NOL4: variants seen among roughly 807,000 people sequenced by gnomAD.
NOL4 encodes the protein nucleolar protein 4, also known as cancer/testis antigen 125.
NOL4 carries 17 observed loss-of-function variants against 75.9 expected under a neutral mutation model. That is an observed-to-expected ratio of 0.22 (90% CI 0.15 to 0.34). NOL4 has a LOEUF of 0.34. NOL4 is among the 10% of genes least tolerant of loss of function. The pLI is 1.00. For synonymous variants in NOL4, 292 were observed against 289.9 expected, an observed-to-expected ratio of 1.01 and a Z score of -0.07; for missense variants, 614 against 793.5, an observed-to-expected ratio of 0.77 and a Z score of 2.72.
At chr18:34,084,465 C>T (rs1486714939) in intron 5 of NOL4, among the ~76,000 whole-genome samples, 2 of 152,124 alleles carry the variant, frequency 1.3e-5, no homozygotes, top group African/African-American at 2.4e-5. Flanking sequence ...GGGTTGAGTG[C>T]ATTTCACTAT....
chr18:34,141,189 C>G (rs1388701225), intron 1 of NOL4, among the ~76,000 whole-genome samples: 1 of 151,928 alleles, frequency 6.6e-6, no homozygotes, highest in Non-Finnish European at 1.5e-5. Context: ...AAAGAGGACA[C>G]AAACAAATGG....
chr18:34,210,069 C>A (rs890449445), intron 1 of NOL4, among the ~76,000 whole-genome samples: 1 of 152,120 alleles, frequency 6.6e-6, no homozygotes, highest in Admixed American at 6.6e-5. Flanking sequence ...TGTTCAGTCA[C>A]AAGAAGTTAA....
intron 5 of NOL4, among the ~76,000 whole-genome samples, chr18:34,036,421 A>G (rs1051068814): frequency 6.6e-6 from 1 of 152,216 alleles, no homozygotes; most frequent in South Asian, 2.1e-4. Flanking sequence ...CACTTCATGT[A>G]AAAGCTTCAA....
intron 6 of NOL4, among the ~76,000 whole-genome samples, chr18:33,984,135 C>T (rs1464734252): frequency 1.3e-5 from 2 of 152,028 alleles, no homozygotes; most frequent in African/African-American, 4.8e-5. Flanking sequence ...AGGGCAATAT[C>T]TAGTCAACAA....
chr18:34,050,435 T>C (rs1315517920), intron 5 of NOL4, among the ~76,000 whole-genome samples: 1 of 152,098 alleles, frequency 6.6e-6, no homozygotes, highest in Non-Finnish European at 1.5e-5. Context: ...ACTGCTATAA[T>C]AGATAATGTT....
chr18:34,020,360 A>G (rs2074966616), intron 5 of NOL4, among the ~76,000 whole-genome samples: 4 of 152,170 alleles, frequency 2.6e-5, no homozygotes, highest in Admixed American at 1.3e-4. Flanking sequence ...GAATATCTAG[A>G]TTTGGTAAAA....
chr18:34,037,317 T>C (rs2075953287), intron 5 of NOL4, among the ~76,000 whole-genome samples: 1 of 151,958 alleles, frequency 6.6e-6, no homozygotes, highest in Admixed American at 6.6e-5. Flanking sequence ...AAAGGAAGAA[T>C]TAATGTTGTT....
chr18:33,952,434 CAGA>C (rs2069302697), intron 8 of NOL4, among the ~76,000 whole-genome samples: 1 of 151,928 alleles, frequency 6.6e-6, no homozygotes, highest in Admixed American at 6.6e-5. Context: ...TTGAACATAC[CAGA>C]AGAAGGGATA....
At chr18:34,219,790 A>ATGCGCG (rs1373607057) in intron 1 of NOL4, among the ~76,000 whole-genome samples, 1 of 152,262 alleles carries the variant, frequency 6.6e-6, no homozygotes, top group Non-Finnish European at 1.5e-5. Context: ...CAAACTGCAT[A>ATGCGCG]TGCGCGTGCG....
At chr18:34,175,584 T>C (rs551987479) in intron 1 of NOL4, among the ~76,000 whole-genome samples, 4 of 152,252 alleles carry the variant, frequency 2.6e-5, no homozygotes, top group African/African-American at 9.6e-5. Flanking sequence ...TAAGGCACTG[T>C]ACAAGCAAGA....
chr18:34,175,233 G>C (rs751280101), intron 1 of NOL4, among the ~76,000 whole-genome samples: 25 of 152,204 alleles, frequency 1.6e-4, no homozygotes, highest in Non-Finnish European at 3.2e-4. Flanking sequence ...TATTTTACAT[G>C]TCTAGTGCTT....
intron 9 of NOL4, among the ~76,000 whole-genome samples, chr18:33,918,798 G>A (rs920588044): frequency 1.3e-5 from 2 of 152,080 alleles, no homozygotes; most frequent in Admixed American, 6.6e-5. Context: ...GGGACCAAGC[G>A]AAACTAAAGA....
intron 6 of NOL4, among the ~76,000 whole-genome samples, chr18:33,970,958 T>G (rs1363513261): frequency 1.3e-5 from 2 of 152,188 alleles, no homozygotes; most frequent in African/African-American, 4.8e-5. Context: ...TAAAGTCTTT[T>G]GTGTGGGATT....
intron 6 of NOL4, among the ~76,000 whole-genome samples, chr18:33,980,995 A>T (rs2071907685): frequency 6.6e-6 from 1 of 152,058 alleles, no homozygotes; most frequent in Admixed American, 6.6e-5. Context: ...TAGAGATAGA[A>T]ATTCTGGGAT....
intron 10 of NOL4, among the ~76,000 whole-genome samples, chr18:33,877,437 T>TAAAA (rs35251455): frequency 1.9e-5 from 2 of 106,238 alleles, no homozygotes; most frequent in African/African-American, 3.5e-5. Context: ...GACCTTGCCT[T>TAAAA]AAAAAAAAAA....
chr18:33,917,103 A>T (rs2066764724), intron 9 of NOL4, among the ~76,000 whole-genome samples: 1 of 152,150 alleles, frequency 6.6e-6, no homozygotes, highest in Non-Finnish European at 1.5e-5. Context: ...TCAGCAAGGT[A>T]ATTAATAATT....
intron 1 of NOL4, among the ~76,000 whole-genome samples, chr18:34,179,105 A>G (rs779950841): frequency 2.4e-4 from 37 of 151,694 alleles, no homozygotes; most frequent in Middle Eastern, 3.2e-3. Context: ...GTCAAAGAAG[A>G]AGTCATAAAG....
At chr18:33,922,007 T>C (rs2067070283) in intron 9 of NOL4, among the ~76,000 whole-genome samples, 1 of 152,174 alleles carries the variant, frequency 6.6e-6, no homozygotes, top group Non-Finnish European at 1.5e-5. Context: ...GGGATAAATA[T>C]GTAACCCAAT....
intron 2 of NOL4, among the ~76,000 whole-genome samples, chr18:34,109,818 TGAA>T (rs1463357377): frequency 6.6e-6 from 1 of 151,352 alleles, no homozygotes; most frequent in Non-Finnish European, 1.5e-5. Flanking sequence ...TATAATTAAA[TGAA>T]GAGATATTAT....
Sources: allele counts gnomAD v4.1 joint callset (sites outside exome capture counted in the v4.1 genomes callset), GRCh38; gene constraint gnomAD v4.1.1; transcripts MANE v1.5; gene names NCBI Gene and HGNC (gene_info 2026-07-23, HGNC 2026-07-21).